Variants in FLYWCH2 observed in about 807,000 individuals in gnomAD.
FLYWCH2 encodes FLYWCH family member 2.
FLYWCH2 carries 2 observed loss-of-function variants against 6.0 expected under a neutral mutation model. The ratio of observed to expected loss-of-function variants is 0.33; its 90% CI spans 0.14 to 1.04. The LOEUF (loss-of-function observed/expected upper bound fraction) is 1.04. Ranked by LOEUF, FLYWCH2 falls within the 50% of genes least tolerant of loss-of-function variation. The pLI, the probability that FLYWCH2 is intolerant of heterozygous loss-of-function variation, is 0.45. For synonymous variants in FLYWCH2, 87 were observed against 79.3 expected, an observed-to-expected ratio of 1.10 and a Z score of -0.52; for missense variants, 192 against 183.4, an observed-to-expected ratio of 1.05 and a Z score of -0.27.
intron 1 of FLYWCH2, among the ~76,000 whole-genome samples, chr16:2,894,454 T>G (rs1045202124): frequency 1.3e-5 from 2 of 152,076 alleles, no homozygotes; most frequent in African/African-American, 4.8e-5. Flanking sequence ...CCGTAGCCAA[T>G]CAGCGTGTGA....
rs1293933415 is a variant in FLYWCH2, at chr16:2,899,125, T to C, written c.399T>C (p.Ser133=). 4 of 1,613,446 alleles carry C rather than the reference T, an allele frequency of 2.5e-6. No homozygotes were observed. The highest frequency in any genetic ancestry group is 3.4e-6 in the Non-Finnish European group (4 of 1,179,744). Residue 133 remains serine, a synonymous_variant, in exon 4 of 4, where the codon TCT becomes TCC. Coordinates refer to ENST00000396958, the MANE Select transcript of FLYWCH2 (RefSeq NM_138439.3). ...EAAGENFAPC[S]VAPGKSL ...CTGGGGAGAACTTTGCCCCCTGCTCTGTGGCGCCCGGCAAGTCCCTGTAAC... is the reference window on the plus strand; with the variant it reads ...CTGGGGAGAACTTTGCCCCCTGCTCCGTGGCGCCCGGCAAGTCCCTGTAAC...
At position 2,884,567 on chromosome 16, in the gene FLYWCH2, A is replaced by AAAAAAAAAAAAAC. The variant is rs1227537189; in HGVS notation, c.-200+1211_-200+1212insAACAAAAAAAAAA. Reference sequence around the variant, plus strand: ...GAAACCCCGTCTCTACTAAAAAAAAAAAAAAAAAAATACAAAAATTAGTCG... The same window carrying AAAAAAAAAAAAAC: ...GAAACCCCGTCTCTACTAAAAAAAAAAAAAAAAAAAAACAAAAAAAAAATACAAAAATTAGTCG... On this transcript the variant is annotated intron_variant, in intron 1 of 3. Transcript: ENST00000396958. Among the ~76,000 whole-genome samples, 19 of 143,086 alleles carry AAAAAAAAAAAAAC rather than the reference A, an allele frequency of 1.3e-4. 1 individual carries two copies. The South Asian group carries it at 3.8e-3, about 28-fold the overall frequency. The allele number at this position is 143,086 out of a possible 152,430, so 93.9% of individuals were successfully genotyped here.
chr16:2,887,833 C>T (rs1258763371), intron 1 of FLYWCH2, among the ~76,000 whole-genome samples: 2 of 151,950 alleles, frequency 1.3e-5, no homozygotes, highest in East Asian at 1.9e-4. Flanking sequence ...TCCCAAAGTA[C>T]TGGAATTACA....
chr16:2,893,873 T>C lies in FLYWCH2; in HGVS notation c.-199-1347T>C, dbSNP rs1017472138. Among the ~76,000 whole-genome samples the C allele has an allele frequency of 3.3e-5, 5 of 151,854 alleles. No individual in the cohort carries two copies. In the South Asian group the frequency reaches 6.3e-4, roughly 19 times the overall value. On this transcript the variant is annotated intron_variant, in intron 1 of 3. Transcript: ENST00000396958. Reference sequence around the variant, plus strand: ...CAGGATGGTCTCGATCTCCTGACCTTGTGATCCGCCCGCCTCGGCCTCCCA... The same window carrying C: ...CAGGATGGTCTCGATCTCCTGACCTCGTGATCCGCCCGCCTCGGCCTCCCA...
At chr16:2,889,707 G>C (rs749911871) in intron 1 of FLYWCH2, among the ~76,000 whole-genome samples, 6 of 152,082 alleles carry the variant, frequency 3.9e-5, no homozygotes, top group Non-Finnish European at 8.8e-5. Context: ...AGAAAAGTCC[G>C]AGAGGCAGTA....
rs768307787 is a variant in FLYWCH2 at position 2,896,709 on chromosome 16, C to T, written c.260C>T (p.Ala87Val). Residue 87 changes from alanine (A) to valine (V), a missense_variant, in exon 3 of 4, where the codon GCC becomes GTC. Ala to Val is a moderately conservative substitution (Grantham distance 64, BLOSUM62 0). Coordinates refer to ENST00000396958, the MANE Select transcript of FLYWCH2 (RefSeq NM_138439.3). ...GCCCTCCTCCAGACCCACCCCGAGG[C>T]CCAGCGGGCCATTGAGGCAGCCCCT... ...AKALLQTHPE[A>V]QRAIEAAPQE... 6.2e-7 allele frequency: 1 copy of T among 1,612,600 alleles called. No homozygotes were observed. Among genetic ancestry groups the T allele is most frequent in the Non-Finnish European group, 8.5e-7 (1 of 1,179,860 alleles).
chr16:2,898,383 C>A (rs145436549), intron 3 of FLYWCH2, among the ~76,000 whole-genome samples: 181 of 152,336 alleles, frequency 1.2e-3, no homozygotes, highest in African/African-American at 4.2e-3. Context: ...GCCTGTCCCC[C>A]TGGCTTCTCC....
chr16:2,896,193 G>A (rs952888055), intron 2 of FLYWCH2, among the ~76,000 whole-genome samples, 159 bp from the exon 3 acceptor site: 3 of 152,178 alleles, frequency 2.0e-5, no homozygotes, highest in Non-Finnish European at 4.4e-5. Flanking sequence ...TGCCAGGAGA[G>A]GAACTGGCAG....
intron 1 of FLYWCH2, among the ~76,000 whole-genome samples, chr16:2,893,238 C>T (rs964565233): frequency 3.9e-5 from 6 of 152,132 alleles, no homozygotes; most frequent in Admixed American, 3.9e-4. Flanking sequence ...CAGGCCCTCT[C>T]CCTTTCCTGG....
rs1221252593 is a variant in FLYWCH2 at position 2,896,489 on chromosome 16, G to A, written c.40G>A (p.Val14Met). Residue 14 changes from valine (V) to methionine (M), a missense_variant, in exon 3 of 4, where the codon GTG (valine) becomes ATG (methionine). Val to Met is a conservative substitution (Grantham distance 21, BLOSUM62 1). Coordinates refer to ENST00000396958, the MANE Select transcript of FLYWCH2 (RefSeq NM_138439.3). ...GCCCAGCGAGCAGGAGGGTGAGAGT[G>A]TGAAGGCCAGCCAGGAGCCATCCCC... is the stretch of plus-strand genomic sequence containing the variant. Reference protein sequence around the residue: ...PEPSEQEGESVKASQEPSPKP... With the variant: ...PEPSEQEGESMKASQEPSPKP... The A allele has an allele frequency of 6.2e-7, 1 of 1,613,956 alleles. No individual in the cohort carries two copies. Among genetic ancestry groups the A allele is most frequent in the Non-Finnish European group, 8.5e-7 (1 of 1,179,938 alleles).
chr16:2,890,532 A>C, intron 1 of FLYWCH2, among the ~76,000 whole-genome samples: 1 of 151,160 alleles, frequency 6.6e-6, no homozygotes, highest in East Asian at 1.9e-4. Context: ...CTCCTGCCTC[A>C]GCCTCCCGAG....
chr16:2,886,908 G>C (rs1014018902), intron 1 of FLYWCH2, among the ~76,000 whole-genome samples: 1 of 152,012 alleles, frequency 6.6e-6, no homozygotes, highest in Non-Finnish European at 1.5e-5. Context: ...TCCCTTATCA[G>C]ATATATGATT....
chr16:2,889,131 T>TTTG (rs963112145), intron 1 of FLYWCH2, among the ~76,000 whole-genome samples: 4 of 103,530 alleles, frequency 3.9e-5, no homozygotes, highest in South Asian at 2.2e-4. Flanking sequence ...TTGGTGTTTT[T>TTTG]TTGTTGTTGT....
intron 1 of FLYWCH2, among the ~76,000 whole-genome samples, chr16:2,891,345 G>A (rs979391535): frequency 6.6e-6 from 1 of 152,186 alleles, no homozygotes; most frequent in African/African-American, 2.4e-5. Context: ...TCACTTCTGT[G>A]CCAGGCGCAG....
intron 3 of FLYWCH2, among the ~76,000 whole-genome samples, chr16:2,897,500 C>G (rs1189845604): frequency 6.6e-6 from 1 of 152,168 alleles, no homozygotes; most frequent in Non-Finnish European, 1.5e-5. Context: ...GATGGAGGCA[C>G]TGAGCATCTT....
intron 1 of FLYWCH2, among the ~76,000 whole-genome samples, chr16:2,887,231 C>T (rs1358683941): frequency 2.0e-5 from 3 of 151,824 alleles, no homozygotes; most frequent in South Asian, 2.1e-4. Flanking sequence ...CTGCAACCTC[C>T]GCCCCACTGG....
intron 1 of FLYWCH2, among the ~76,000 whole-genome samples, chr16:2,883,857 A>C (rs1016450645): frequency 1.6e-4 from 25 of 152,228 alleles, no homozygotes; most frequent in African/African-American, 5.3e-4. Flanking sequence ...TGCCAATTGC[A>C]TTGGGTAAAG....
chr16:2,897,162 T>G (rs1352288169), intron 3 of FLYWCH2, among the ~76,000 whole-genome samples: 1 of 152,178 alleles, frequency 6.6e-6, no homozygotes, highest in Non-Finnish European at 1.5e-5. Context: ...TCTAGAAAGC[T>G]TCTTTGGTCT....
chr16:2,898,150 G>A (rs1322340795), intron 3 of FLYWCH2, among the ~76,000 whole-genome samples: 3 of 152,180 alleles, frequency 2.0e-5, no homozygotes, highest in Non-Finnish European at 4.4e-5. Context: ...GCCTCCCTGG[G>A]GCTGAGACCC....
Sources: gnomAD v4.1 joint callset for allele counts (sites outside exome capture counted in the v4.1 genomes callset) on GRCh38, gnomAD v4.1.1 for gene constraint, MANE v1.5 for transcripts, NCBI Gene and HGNC (gene_info 2026-07-23, HGNC 2026-07-21) for gene names.